The following SLC5A12 variants were observed in gnomAD, a reference collection of about 807,000 sequenced individuals.
SLC5A12 encodes the protein solute carrier family 5 member 12.
A neutral mutation model predicts 72.7 loss-of-function variants in SLC5A12; 46 were observed. That is an observed-to-expected ratio of 0.63 (90% CI 0.50 to 0.81). The LOEUF (loss-of-function observed/expected upper bound fraction) is 0.81, where lower values mean the gene tolerates loss of function less well. Ranked by LOEUF, SLC5A12 falls within the 30% of genes least tolerant of loss-of-function variation. The pLI is 0.00. For missense variants in SLC5A12, 683 were observed against 740.7 expected, an observed-to-expected ratio of 0.92 and a Z score of 0.90; for synonymous variants, 275 against 264.4, an observed-to-expected ratio of 1.04 and a Z score of -0.39.
intron 12 of SLC5A12, among the ~76,000 whole-genome samples, chr11:26,680,746 C>A (rs1244001963): frequency 6.6e-6 from 1 of 152,006 alleles, no homozygotes; most frequent in East Asian, 1.9e-4. Flanking sequence ...GAGTTTTATT[C>A]TTTGAGGAAA....
intron 14 of SLC5A12, among the ~76,000 whole-genome samples, chr11:26,672,761 T>C (rs1289141147): frequency 6.6e-6 from 1 of 152,136 alleles, no homozygotes; most frequent in Admixed American, 6.6e-5. Flanking sequence ...TTGGACAGTG[T>C]CTCTAGTACT....
chr11:26,688,125 C>A (rs917511398), intron 9 of SLC5A12, among the ~76,000 whole-genome samples: 1 of 152,130 alleles, frequency 6.6e-6, no homozygotes, highest in Middle Eastern at 3.2e-3. Flanking sequence ...AAATCTTTAT[C>A]CTTCCACCAG....
intron 11 of SLC5A12, among the ~76,000 whole-genome samples, chr11:26,682,824 C>T (rs1212817718): frequency 1.3e-5 from 2 of 152,068 alleles, no homozygotes; most frequent in African/African-American, 2.4e-5. Flanking sequence ...ACATAATATT[C>T]TTGTCAACCC....
At chr11:26,685,179 T>C (rs1854499681) in intron 10 of SLC5A12, among the ~76,000 whole-genome samples, 1 of 152,220 alleles carries the variant, frequency 6.6e-6, no homozygotes, top group Admixed American at 6.5e-5. Flanking sequence ...AAGTAGTCAT[T>C]GGAAGGATCA....
chr11:26,693,679 G>C (rs1374553054), intron 8 of SLC5A12, among the ~76,000 whole-genome samples: 1 of 152,116 alleles, frequency 6.6e-6, no homozygotes, highest in Admixed American at 6.5e-5. Flanking sequence ...ATGAACAAAA[G>C]ATGTCTAGCA....
intron 13 of SLC5A12, among the ~76,000 whole-genome samples, chr11:26,674,506 T>C (rs1854222139): frequency 6.6e-6 from 1 of 152,104 alleles, no homozygotes; most frequent in Non-Finnish European, 1.5e-5. Flanking sequence ...TTCAAGTGAT[T>C]CTCCTGCCTC....
intron 1 of SLC5A12, among the ~76,000 whole-genome samples, chr11:26,713,671 T>G (rs1855283769): frequency 6.6e-6 from 1 of 152,156 alleles, no homozygotes; most frequent in African/African-American, 2.4e-5. Flanking sequence ...TATATTTTGG[T>G]GTTGAATTTG....
intron 11 of SLC5A12, among the ~76,000 whole-genome samples, chr11:26,683,186 C>A (rs961258394): frequency 5.3e-5 from 8 of 152,112 alleles, no homozygotes; most frequent in African/African-American, 1.9e-4. Flanking sequence ...GTTATTTTTC[C>A]AAATAATTAT....
intron 1 of SLC5A12, among the ~76,000 whole-genome samples, chr11:26,713,487 T>A (rs1032612750): frequency 3.3e-5 from 5 of 152,162 alleles, no homozygotes; most frequent in African/African-American, 1.2e-4. Context: ...TTCTTTCAGA[T>A]ATAGAATTAT....
Position 26,703,891 on chromosome 11 carries a change from C to A in SLC5A12, c.582G>T (p.Val194=). ...CTTGAATGAGAACCGTTAAGAAGCC[C>A]ACAATCATGACAACCATCTGAAATG... ...TDAFQMVVMI[V]GFLTVLIQGS... Residue 194 remains valine (V), a synonymous_variant, in exon 5 of 15, where the codon GTG becomes GTT. Coordinates refer to ENST00000396005, the MANE Select transcript of SLC5A12 (RefSeq NM_178498.4). The A allele has an allele frequency of 6.2e-7, 1 of 1,613,906 alleles. No homozygotes were observed. Among genetic ancestry groups the A allele is most frequent in the Non-Finnish European group, 8.5e-7 (1 of 1,179,870 alleles).
chr11:26,720,683 C>A (rs906702100), intron 1 of SLC5A12, among the ~76,000 whole-genome samples: 1 of 152,066 alleles, frequency 6.6e-6, no homozygotes, highest in Non-Finnish European at 1.5e-5. Flanking sequence ...CTATATAGAG[C>A]ATGCAAATTC....
At position 26,705,372 on chromosome 11, in the gene SLC5A12, G is replaced by T. The variant is rs374315485; in HGVS notation, c.526-1425C>A. Among the ~76,000 whole-genome samples the T allele has an allele frequency of 6.6e-5, 10 of 152,136 alleles. No homozygotes were observed. In the South Asian group the frequency reaches 1.7e-3, roughly 25 times the overall value. ...ATCAATAAGTGCTTGGGAAATGAAT[G>T]AGCCCTATGAAAATGAAATGACGTG... On this transcript the variant is annotated intron_variant, in intron 4 of 14. Coordinates refer to ENST00000396005, the MANE Select transcript of SLC5A12 (RefSeq NM_178498.4).
intron 9 of SLC5A12, among the ~76,000 whole-genome samples, chr11:26,687,658 T>G (rs1183960179): frequency 6.6e-6 from 1 of 152,230 alleles, no homozygotes; most frequent in East Asian, 1.9e-4. Context: ...TATTATTTTA[T>G]TTCAGAGTCA....
At chr11:26,713,444 A>T (rs1855279031) in intron 1 of SLC5A12, among the ~76,000 whole-genome samples, 1 of 152,002 alleles carries the variant, frequency 6.6e-6, no homozygotes, top group Non-Finnish European at 1.5e-5. Context: ...AGTCTTAGTC[A>T]TCTGTCAATA....
rs78923203 is a variant in SLC5A12, at chr11:26,667,970, C to T, written c.*3132G>A. ...TACTGCAGACCAAGTATTAAATGTT[C>T]CATGTGGGCCAGTCACACTGTGCTA... is the stretch of plus-strand genomic sequence containing the variant. On this transcript the variant is annotated 3_prime_UTR_variant, in exon 15 of 15. Coordinates refer to ENST00000396005, the MANE Select transcript of SLC5A12 (RefSeq NM_178498.4). 2 of 152,082 alleles carry T rather than the reference C, an allele frequency of 1.3e-5. No homozygotes were observed. Among genetic ancestry groups the T allele is most frequent in the East Asian group, 3.9e-4 (2 of 5,178 alleles). 9.4% of individuals were successfully genotyped at this position (152,082 alleles called of 1,614,324 possible).
At chr11:26,709,252 T>C (rs1007058355) in intron 4 of SLC5A12, 60 bp downstream of exon 4, 9 of 1,262,302 alleles carry the variant, frequency 7.1e-6, no homozygotes, top group Non-Finnish European at 1.0e-5. Context: ...TTGCTGGAGA[T>C]TTGCCCTTAT....
chr11:26,683,789 G>C lies in SLC5A12; in HGVS notation c.1276C>G (p.Leu426Val), dbSNP rs764967044. The C allele has an allele frequency of 6.3e-7, 1 of 1,597,226 alleles. No individual in the cohort carries two copies. The highest frequency in any genetic ancestry group is 2.3e-5 in the East Asian group (1 of 44,390). The change falls in exon 11 of 15, where the codon CTG (leucine) becomes GTG (valine). Residue 426 changes from leucine (L) to valine (V), a missense_variant. Physicochemically the swap from Leu to Val is conservative, Grantham distance 32 (BLOSUM62 1). Transcript: ENST00000396005. ...TTCACAAAAGGGAACACGATTCCCA[G>C]GGAGAATAAGCCCAGCATTGGTCCT... ...CGGPMLGLFS[L>V]GIVFPFVNWK... is the part of the protein sequence containing the mutation.
rs149219670 is a variant in SLC5A12 at position 26,702,613 on chromosome 11, G to C, written c.821+918C>G. 1.1e-3 allele frequency among the ~76,000 whole-genome samples: 167 copies of C among 152,214 alleles called. 1 individual carries two copies. The highest frequency in any genetic ancestry group is 3.8e-3 in the African/African-American group (156 of 41,538). ...ACTTTGGTCTCTACTTTGGAGCATG[G>C]GGTGGCTTGCAGGGCTTGGAAAATG... On this transcript the variant is annotated intron_variant, in intron 6 of 14. Transcript: ENST00000396005.
intron 1 of SLC5A12, among the ~76,000 whole-genome samples, chr11:26,720,341 A>ATAAG (rs1445100374): frequency 6.6e-6 from 1 of 151,438 alleles, no homozygotes; most frequent in African/African-American, 2.4e-5. Flanking sequence ...AAATAAATAA[A>ATAAG]TAAATAAATA....
Sources: allele counts gnomAD v4.1 joint callset (sites outside exome capture counted in the v4.1 genomes callset), GRCh38; gene constraint gnomAD v4.1.1; transcripts MANE v1.5; gene names NCBI Gene and HGNC (gene_info 2026-07-23, HGNC 2026-07-21).